AGPAT4: variants seen among roughly 807,000 people sequenced by gnomAD.
AGPAT4 encodes the protein 1-acyl-sn-glycerol-3-phosphate acyltransferase delta.
In AGPAT4, 15 loss-of-function variants were observed where a neutral mutation model predicts 48.0. The observed-to-expected ratio is 0.31, with a 90% CI of 0.21 to 0.48. AGPAT4 has a LOEUF of 0.48. Among genes scored for constraint, AGPAT4 ranks in the 20% least tolerant of loss-of-function variants. The pLI is 0.99. For synonymous variants in AGPAT4, 178 were observed against 198.7 expected (o/e 0.90, Z 0.88); for missense variants, 314 against 482.5 (o/e 0.65, Z 3.27).
At chr6:161,153,841 A>ACACACAGCCCCG (rs2114966549) in intron 4 of AGPAT4, among the ~76,000 whole-genome samples, 1 of 135,840 alleles carries the variant, frequency 7.4e-6, no homozygotes, top group African/African-American at 2.9e-5. Context: ...ACATAGCCCC[A>ACACACAGCCCCG]GGGTCACATA....
At chr6:161,247,218 A>C (rs1782677661) in intron 1 of AGPAT4, among the ~76,000 whole-genome samples, 1 of 152,278 alleles carries the variant, frequency 6.6e-6, no homozygotes, top group East Asian at 1.9e-4. Flanking sequence ...TCTTCTGTTA[A>C]AACACAAATC....
rs546663458 is a variant in AGPAT4, at chr6:161,141,031, G to A, written c.844-1411C>T. 1.3e-5 allele frequency among the ~76,000 whole-genome samples: 2 copies of A among 152,174 alleles called. 1 individual carries two copies. Among genetic ancestry groups the A allele is most frequent in the South Asian group, 4.2e-4 (2 of 4,818 alleles). The stretch of plus-strand genomic sequence containing the variant: ...TGAATATTTTCCTTTAACAACTTGA[G>A]ATAGAAAAGTCTAAAGTATCTCATA... On this transcript the variant is annotated intron_variant, in intron 7 of 8. Coordinates refer to ENST00000320285, the MANE Select transcript of AGPAT4 (RefSeq NM_020133.3). The surrounding 1 kb of genome is among the most constrained non-coding windows in gnomAD (Gnocchi z 6.7).
intron 2 of AGPAT4, among the ~76,000 whole-genome samples, chr6:161,183,339 T>G (rs1302344675): frequency 6.6e-6 from 1 of 151,652 alleles, no homozygotes; most frequent in African/African-American, 2.4e-5. Context: ...TGTGTGAGAG[T>G]CCAGGTGCAG....
In AGPAT4 at chr6:161,149,880, G is replaced by A. The variant is rs1779538287; in HGVS notation, c.665-591C>T. 6.6e-6 allele frequency among the ~76,000 whole-genome samples: 1 copy of A among 152,196 alleles called. No homozygotes were observed. On this transcript the variant is annotated intron_variant, in intron 5 of 8. Transcript: ENST00000320285. The surrounding 1 kb of genome is among the most constrained non-coding windows in gnomAD (Gnocchi z 6.5). ...AAGCAATACTGCAAAGTCAGGTCTAGAGGTACTACGACGATGATTTGTAAC... is the reference window on the plus strand; with the variant it reads ...AAGCAATACTGCAAAGTCAGGTCTAAAGGTACTACGACGATGATTTGTAAC...
At chr6:161,170,463 G>GCTT (rs1562322474) in intron 2 of AGPAT4, among the ~76,000 whole-genome samples, 2 of 29,200 alleles carry the variant, frequency 6.8e-5, no homozygotes, top group Non-Finnish European at 1.4e-4. Context: ...GCGTGCACAC[G>GCTT]TGCGCGCGCG....
At chr6:161,170,051 T>C (rs1233967437) in intron 2 of AGPAT4, among the ~76,000 whole-genome samples, 1 of 152,204 alleles carries the variant, frequency 6.6e-6, no homozygotes, top group African/African-American at 2.4e-5. Context: ...TCCCAGCTTC[T>C]GCAGGACATC....
chr6:161,263,764 T>C (rs557648665), intron 1 of AGPAT4, among the ~76,000 whole-genome samples: 1 of 152,180 alleles, frequency 6.6e-6, no homozygotes, highest in Non-Finnish European at 1.5e-5. Context: ...AACTTCCAGA[T>C]TTCCACATGA....
In AGPAT4 at chr6:161,208,600, C is replaced by G. The variant is rs1306838517; in HGVS notation, c.178+23436G>C. ...AACAACGATAGCAAAAAAATACTTG[C>G]AATGAACAACTTGGTTAAAAAAAGG... On this transcript the variant is annotated intron_variant, in intron 2 of 8. Coordinates refer to ENST00000320285, the MANE Select transcript of AGPAT4 (RefSeq NM_020133.3). The surrounding 1 kb of genome is among the most constrained non-coding windows in gnomAD (Gnocchi z 4.6). Among the ~76,000 whole-genome samples, 1 of 151,974 alleles carries G rather than the reference C, an allele frequency of 6.6e-6. No individual in the cohort carries two copies. The highest frequency in any genetic ancestry group is 1.9e-4 in the East Asian group (1 of 5,196).
chr6:161,139,427 A>G lies in AGPAT4; in HGVS notation c.1037T>C (p.Phe346Ser). 5 of 1,613,776 alleles carry G rather than the reference A, an allele frequency of 3.1e-6. No homozygotes were observed. The highest frequency in any genetic ancestry group is 3.4e-6 in the Non-Finnish European group (4 of 1,179,828). ...GCCCCTTGCCCTCCACTCACCCACA[A>G]AGAAGACGAGGATGAAGCTGGCCAG... is the stretch of plus-strand genomic sequence containing the variant. ...LTLASFILVF[F>S]VASVGVRWMI... The change falls in exon 8 of 9, where the codon TTT becomes TCT. Residue 346 changes from phenylalanine (F) to serine (S), a missense_variant. Coordinates refer to ENST00000320285, the MANE Select transcript of AGPAT4 (RefSeq NM_020133.3). The surrounding 1 kb of genome is among the most constrained non-coding windows in gnomAD (Gnocchi z 9.1).
At chr6:161,151,116 C>A (rs1212045071) in intron 5 of AGPAT4, among the ~76,000 whole-genome samples, 5 of 152,200 alleles carry the variant, frequency 3.3e-5, no homozygotes, top group Non-Finnish European at 7.3e-5. Flanking sequence ...CAAGGCGCAT[C>A]AGAAGGAGTG....
rs1394001648 is a variant in AGPAT4 at position 161,144,202 on chromosome 6, A to G, written c.843+2322T>C. ...CTCAGCGATCTTCTCGGAAGGGCAA[A>G]GGGCCAGCCTCCCAGGCCTGCTCAC... On this transcript the variant is annotated intron_variant, in intron 7 of 8. Transcript: ENST00000320285. This position sits in a 1 kb window ranked among gnomAD's most constrained non-coding sequence, Gnocchi z 6.6. 2 of 533,034 alleles carry G rather than the reference A, an allele frequency of 3.8e-6. No individual in the cohort carries two copies. Among genetic ancestry groups the G allele is most frequent in the South Asian group, 2.8e-5 (2 of 71,444 alleles). 33.0% of individuals were successfully genotyped at this position (533,034 alleles called of 1,614,324 possible). A position where few individuals can be genotyped will look rare whatever the true frequency, so the allele number is the denominator to read the frequency against.
In AGPAT4 at chr6:161,154,584, G is replaced by A. The variant is rs547777784; in HGVS notation, c.349-274C>T. Reference sequence around the variant, plus strand: ...CGGCAGGAGTCAAGAAGGCAGCAGCGAGCAGTCACAGGTATTCAGGGTCCT... The same window carrying A: ...CGGCAGGAGTCAAGAAGGCAGCAGCAAGCAGTCACAGGTATTCAGGGTCCT... On this transcript the variant is annotated intron_variant, in intron 3 of 8. Coordinates refer to ENST00000320285, the MANE Select transcript of AGPAT4 (RefSeq NM_020133.3). The surrounding 1 kb of genome is among the most constrained non-coding windows in gnomAD (Gnocchi z 7.8). Among the ~76,000 whole-genome samples the A allele has an allele frequency of 3.9e-4, 60 of 152,186 alleles. No homozygotes were observed. The highest frequency in any genetic ancestry group is 8.1e-4 in the Non-Finnish European group (55 of 68,000).
rs987726872 is a variant in AGPAT4, at chr6:161,272,829, G to A, written c.-90+1109C>T. On this transcript the variant is annotated intron_variant, in intron 1 of 8. Coordinates refer to ENST00000320285, the MANE Select transcript of AGPAT4 (RefSeq NM_020133.3). This position sits in a 1 kb window ranked among gnomAD's most constrained non-coding sequence, Gnocchi z 4.2. ...TTAATCCTTCCACAGTTTTGAAAAA[G>A]TCTAGCAACCCTCACCTTGAAGAGA... 2.6e-4 allele frequency among the ~76,000 whole-genome samples: 40 copies of A among 152,208 alleles called. No homozygotes were observed. The highest frequency in any genetic ancestry group is 9.2e-4 in the African/African-American group (38 of 41,530).
rs1428382117 is a variant in AGPAT4 at position 161,161,119 on chromosome 6, G to A, written c.348+5129C>T. 2.6e-5 allele frequency: 12 copies of A among 456,706 alleles called. No homozygotes were observed. The highest frequency in any genetic ancestry group is 1.9e-4 in the South Asian group (12 of 64,572). 28.3% of individuals were successfully genotyped at this position (456,706 alleles called of 1,614,324 possible). Reference sequence around the variant, plus strand: ...AGGGCTGCGCACAGAGGAGGAGGAAGCCCCAAGCTTTCAACAACCCTGGCT... The same window carrying A: ...AGGGCTGCGCACAGAGGAGGAGGAAACCCCAAGCTTTCAACAACCCTGGCT... On this transcript the variant is annotated intron_variant, in intron 3 of 8. Coordinates refer to ENST00000320285, the MANE Select transcript of AGPAT4 (RefSeq NM_020133.3). The surrounding 1 kb of genome is among the most constrained non-coding windows in gnomAD (Gnocchi z 4.6).
At chr6:161,145,387 G>C (rs765061981) in intron 7 of AGPAT4, among the ~76,000 whole-genome samples, 1 of 151,620 alleles carries the variant, frequency 6.6e-6, no homozygotes, top group Non-Finnish European at 1.5e-5. Context: ...AGAGAGCAAT[G>C]CCCATAACCT....
At chr6:161,203,168 T>G (rs1331666578) in intron 2 of AGPAT4, among the ~76,000 whole-genome samples, 1 of 152,168 alleles carries the variant, frequency 6.6e-6, no homozygotes, top group African/African-American at 2.4e-5. Flanking sequence ...GAATATATCC[T>G]GCATTATCAT....
Position 161,229,399 on chromosome 6 carries a change from C to A in AGPAT4, c.178+2637G>T, listed in dbSNP as rs1202277932. Among the ~76,000 whole-genome samples the A allele has an allele frequency of 6.6e-6, 1 of 152,152 alleles. No homozygotes were observed. The highest frequency in any genetic ancestry group is 1.5e-5 in the Non-Finnish European group (1 of 68,036). ...AGCATAGACGCTGCAGAGTCATCTG[C>A]TAGTTAAGCTGCTGAATTCCCCACA... On this transcript the variant is annotated intron_variant, in intron 2 of 8. Coordinates refer to ENST00000320285, the MANE Select transcript of AGPAT4 (RefSeq NM_020133.3). The surrounding 1 kb of genome is among the most constrained non-coding windows in gnomAD (Gnocchi z 6.0).
chr6:161,215,609 T>A lies in AGPAT4; in HGVS notation c.178+16427A>T, dbSNP rs1259907726. Among the ~76,000 whole-genome samples, 1 of 152,020 alleles carries A rather than the reference T, an allele frequency of 6.6e-6. No homozygotes were observed. Among genetic ancestry groups the A allele is most frequent in the Non-Finnish European group, 1.5e-5 (1 of 68,020 alleles). Reference sequence around the variant, plus strand: ...TGAACCTAAAACATTCTAGTCTTTATATTCTGAAGCCTAGCACATGCTTGA... The same window carrying A: ...TGAACCTAAAACATTCTAGTCTTTAAATTCTGAAGCCTAGCACATGCTTGA... On this transcript the variant is annotated intron_variant, in intron 2 of 8. Transcript: ENST00000320285. This position sits in a 1 kb window ranked among gnomAD's most constrained non-coding sequence, Gnocchi z 4.5.
rs1781607007 is a variant in AGPAT4 at position 161,215,008 on chromosome 6, T to C, written c.178+17028A>G. Among the ~76,000 whole-genome samples, 5 of 152,156 alleles carry C rather than the reference T, an allele frequency of 3.3e-5. No homozygotes were observed. Among genetic ancestry groups the C allele is most frequent in the Admixed American group, 2.6e-4 (4 of 15,274 alleles). On this transcript the variant is annotated intron_variant, in intron 2 of 8. Transcript: ENST00000320285. The surrounding 1 kb of genome is among the most constrained non-coding windows in gnomAD (Gnocchi z 4.5). ...TCTGCAGTTTCAAAAAATCAGACCA[T>C]ATCCAGCTTCATACTAACAATTTTT... is the stretch of plus-strand genomic sequence containing the variant.
Sources: allele counts gnomAD v4.1 joint callset (sites outside exome capture counted in the v4.1 genomes callset), GRCh38; gene constraint gnomAD v4.1.1; non-coding constraint Gnocchi (gnomAD v3.1); transcripts MANE v1.5; gene names NCBI Gene and HGNC (gene_info 2026-07-23, HGNC 2026-07-21).